Variants in CAMK2D observed in about 807,000 individuals in gnomAD.
The protein encoded by CAMK2D is calcium/calmodulin-dependent protein kinase type II subunit delta.
CAMK2D carries 37 observed loss-of-function variants against 84.0 expected under a neutral mutation model. That is an observed-to-expected ratio of 0.44 (90% CI 0.34 to 0.58). The LOEUF (loss-of-function observed/expected upper bound fraction) is 0.58, where lower values mean the gene tolerates loss of function less well. Among genes scored for constraint, CAMK2D ranks in the 20% least tolerant of loss-of-function variants. The pLI is 0.02. For missense variants in CAMK2D, 448 were observed against 652.5 expected, an observed-to-expected ratio of 0.69 and a Z score of 3.41; for synonymous variants, 202 against 212.5, an observed-to-expected ratio of 0.95 and a Z score of 0.43.
chr4:113,522,362 A>G (rs911052060), intron 8 of CAMK2D, among the ~76,000 whole-genome samples: 3 of 152,244 alleles, frequency 2.0e-5, no homozygotes, highest in Admixed American at 1.3e-4. Context: ...AATTAATTAC[A>G]TGAGTGATAA....
chr4:113,619,717 A>G (rs982632525), intron 3 of CAMK2D, among the ~76,000 whole-genome samples: 1 of 151,728 alleles, frequency 6.6e-6, no homozygotes, highest in African/African-American at 2.4e-5. Context: ...GTAAATACAG[A>G]TTTTTTTTTG....
intron 2 of CAMK2D, among the ~76,000 whole-genome samples, chr4:113,705,179 T>A (rs1467518256): frequency 1.3e-5 from 2 of 149,166 alleles, no homozygotes; most frequent in African/African-American, 4.9e-5. Flanking sequence ...AAAAAAAAAT[T>A]AGCCGGGCGT....
At chr4:113,496,515 C>G (rs1174350967) in intron 16 of CAMK2D, among the ~76,000 whole-genome samples, 1 of 146,040 alleles carries the variant, frequency 6.8e-6, no homozygotes, top group Non-Finnish European at 1.5e-5. Flanking sequence ...GAGGCACAAT[C>G]TCGGCTCACT....
intron 2 of CAMK2D, among the ~76,000 whole-genome samples, chr4:113,713,599 G>A (rs1258191246): frequency 6.7e-6 from 1 of 149,796 alleles, no homozygotes; most frequent in Non-Finnish European, 1.5e-5. Flanking sequence ...TAATGGATGT[G>A]ACCTGGACTC....
At position 113,472,258 on chromosome 4, in the gene CAMK2D, C is replaced by T. The variant is rs60841215; in HGVS notation, c.1136-6654G>A. 5.3e-3 allele frequency among the ~76,000 whole-genome samples: 809 copies of T among 152,128 alleles called. 8 individuals are homozygous for T. Among genetic ancestry groups the T allele is most frequent in the African/African-American group, 0.018 (757 of 41,494 alleles). On this transcript the variant is annotated intron_variant, in intron 16 of 20. Transcript: ENST00000511664. Reference sequence around the variant, plus strand: ...GAATAAATATCAGTATATGGTTAGACAATATATATAAAATACTGTGTACAT... The same window carrying T: ...GAATAAATATCAGTATATGGTTAGATAATATATATAAAATACTGTGTACAT...
At chr4:113,558,056 G>C (rs1463834939) in intron 4 of CAMK2D, among the ~76,000 whole-genome samples, 3 of 152,148 alleles carry the variant, frequency 2.0e-5, no homozygotes, top group Non-Finnish European at 2.9e-5. Flanking sequence ...CTCTTTTGGA[G>C]GTGAGGAATC....
chr4:113,644,975 C>T (rs2099145669), intron 3 of CAMK2D, among the ~76,000 whole-genome samples: 1 of 152,118 alleles, frequency 6.6e-6, no homozygotes, highest in South Asian at 2.1e-4. Flanking sequence ...TATTTTTGAA[C>T]AGCCTGTACT....
At chr4:113,608,848 A>T (rs2098988034) in intron 4 of CAMK2D, among the ~76,000 whole-genome samples, 1 of 152,212 alleles carries the variant, frequency 6.6e-6, no homozygotes, top group Admixed American at 6.5e-5. Flanking sequence ...AATTTTGCTT[A>T]TGTCAAACAT....
At chr4:113,735,064 A>G (rs2099577736) in intron 2 of CAMK2D, among the ~76,000 whole-genome samples, 1 of 151,828 alleles carries the variant, frequency 6.6e-6, no homozygotes, top group African/African-American at 2.4e-5. Flanking sequence ...ACACAATAAA[A>G]ACGTTTGCCT....
intron 2 of CAMK2D, among the ~76,000 whole-genome samples, chr4:113,666,157 TCAA>T (rs896099673): frequency 7.2e-5 from 11 of 152,212 alleles, no homozygotes; most frequent in African/African-American, 2.7e-4. Flanking sequence ...TCACTTTCAC[TCAA>T]CGATAGAAAT....
intron 2 of CAMK2D, among the ~76,000 whole-genome samples, chr4:113,662,533 G>C (rs2099238421): frequency 6.6e-6 from 1 of 152,156 alleles, no homozygotes; most frequent in Non-Finnish European, 1.5e-5. Context: ...TTGCTGATAA[G>C]GGTAGCAGTG....
At chr4:113,636,842 G>A (rs1233886908) in intron 3 of CAMK2D, among the ~76,000 whole-genome samples, 1 of 152,078 alleles carries the variant, frequency 6.6e-6, no homozygotes, top group Non-Finnish European at 1.5e-5. Context: ...TATGAATTGG[G>A]GAGGTGGGCA....
At chr4:113,702,889 A>T (rs1313944108) in intron 2 of CAMK2D, among the ~76,000 whole-genome samples, 1 of 151,730 alleles carries the variant, frequency 6.6e-6, no homozygotes, top group East Asian at 1.9e-4. Context: ...ACAGAACGAG[A>T]CTCTTATCTT....
At chr4:113,577,190 G>A (rs1346307616) in intron 4 of CAMK2D, among the ~76,000 whole-genome samples, 3 of 152,116 alleles carry the variant, frequency 2.0e-5, no homozygotes, top group Non-Finnish European at 4.4e-5. Context: ...CTGCCTGGAT[G>A]CGTAAAGAAT....
At chr4:113,596,952 T>C (rs1334147992) in intron 4 of CAMK2D, among the ~76,000 whole-genome samples, 1 of 152,040 alleles carries the variant, frequency 6.6e-6, no homozygotes, top group Non-Finnish European at 1.5e-5. Context: ...CCTGAGTAGC[T>C]GGCATTACAG....
chr4:113,457,458 T>A lies in CAMK2D; in HGVS notation c.1412A>T (p.Tyr471Phe). Residue 471 changes from tyrosine (Y) to phenylalanine (F), a missense_variant, in exon 19 of 21, where the codon TAC becomes TTC. By Grantham distance (22) the Tyr-to-Phe change is conservative. Transcript: ENST00000511664. Reference protein sequence around the residue: ...ACIAYIRLTQYMDGSGMPKTM... With the variant: ...ACIAYIRLTQFMDGSGMPKTM... ...CTTTGGCATTCCACTGCCATCCATGTACTGTGTGAGCCTAATATATGCTAT... is the reference window on the plus strand; with the variant it reads ...CTTTGGCATTCCACTGCCATCCATGAACTGTGTGAGCCTAATATATGCTAT... The A allele has an allele frequency of 6.2e-7, 1 of 1,613,910 alleles. No individual in the cohort carries two copies. Among genetic ancestry groups the A allele is most frequent in the South Asian group, 1.1e-5 (1 of 91,090 alleles).
intron 3 of CAMK2D, among the ~76,000 whole-genome samples, chr4:113,640,983 G>C (rs909616849): frequency 2.0e-5 from 3 of 152,136 alleles, no homozygotes; most frequent in African/African-American, 7.2e-5. Flanking sequence ...ACATTCCACA[G>C]ACAATATGAG....
At chr4:113,587,286 T>C (rs2098838330) in intron 4 of CAMK2D, among the ~76,000 whole-genome samples, 1 of 152,188 alleles carries the variant, frequency 6.6e-6, no homozygotes, top group Admixed American at 6.5e-5. Context: ...TTAACAAATG[T>C]TCACTCTTAT....
intron 4 of CAMK2D, among the ~76,000 whole-genome samples, chr4:113,587,274 G>A (rs1369309596): frequency 2.6e-5 from 4 of 152,152 alleles, no homozygotes; most frequent in Admixed American, 2.6e-4. Context: ...CATGGTAAGT[G>A]CTTAACAAAT....
Sources: allele counts gnomAD v4.1 joint callset (sites outside exome capture counted in the v4.1 genomes callset), GRCh38; gene constraint gnomAD v4.1.1; transcripts MANE v1.5; gene names NCBI Gene and HGNC (gene_info 2026-07-23, HGNC 2026-07-21).